CNTNAP2: variants seen among roughly 807,000 people sequenced by gnomAD.
CNTNAP2 encodes contactin-associated protein-like 2.
Under a neutral mutation model 155.2 loss-of-function variants are expected in CNTNAP2, and 98 were observed. That is an observed-to-expected ratio of 0.63 (90% CI 0.54 to 0.75). The LOEUF (loss-of-function observed/expected upper bound fraction) is 0.75. Ranked by LOEUF, CNTNAP2 falls within the 30% of genes least tolerant of loss-of-function variation. CNTNAP2 has a pLI of 0.00. For synonymous variants in CNTNAP2, 651 were observed against 631.2 expected, an observed-to-expected ratio of 1.03 and a Z score of -0.47; for missense variants, 1,727 against 1,688.1, an observed-to-expected ratio of 1.02 and a Z score of -0.40.
chr7:148,159,708 C>G (rs557397650), intron 17 of CNTNAP2, among the ~76,000 whole-genome samples: 3 of 152,248 alleles, frequency 2.0e-5, no homozygotes, highest in African/African-American at 7.2e-5. Flanking sequence ...ATGTGTGTAC[C>G]TAATTTCACT....
At chr7:147,942,311 G>A (rs1800739203) in intron 14 of CNTNAP2, among the ~76,000 whole-genome samples, 1 of 152,022 alleles carries the variant, frequency 6.6e-6, no homozygotes, top group Non-Finnish European at 1.5e-5. Flanking sequence ...TAGTGACATT[G>A]GTAACTTAAA....
rs181825593 is a variant in CNTNAP2 at position 147,306,215 on chromosome 7, T to G, written c.1498+5925T>G. Among the ~76,000 whole-genome samples the G allele has an allele frequency of 2.9e-4, 44 of 152,312 alleles. No individual in the cohort carries two copies. In the East Asian group the frequency reaches 7.7e-3, roughly 27 times the overall value. On this transcript the variant is annotated intron_variant, in intron 9 of 23. Coordinates refer to ENST00000361727, the MANE Select transcript of CNTNAP2 (RefSeq NM_014141.6). ...TTTACAACCCCCTCTAATGAAAAATTAGCAGACTTCCTAAAGGAGATTCAT... is the reference window on the plus strand; with the variant it reads ...TTTACAACCCCCTCTAATGAAAAATGAGCAGACTTCCTAAAGGAGATTCAT...
chr7:146,683,206 T>C (rs962285973), intron 1 of CNTNAP2, among the ~76,000 whole-genome samples: 1 of 152,130 alleles, frequency 6.6e-6, no homozygotes, highest in Non-Finnish European at 1.5e-5. Context: ...CTGATTTTTG[T>C]ATTTTTAATA....
At chr7:148,217,585 A>G (rs1176767847) in intron 19 of CNTNAP2, 61 bp downstream of exon 19, 1 of 1,531,310 alleles carries the variant, frequency 6.5e-7, no homozygotes, top group Non-Finnish European at 9.1e-7. Flanking sequence ...ATGTTCTAGC[A>G]AGAGTCTATA....
chr7:146,339,292 C>CA lies in CNTNAP2; in HGVS notation c.97+222320dup, dbSNP rs1299208482. ...GCATGCACACACAGACTTACATACA[C>CA]AGGGCTTGCAGAGGAATAAATTCTG... On this transcript the variant is annotated intron_variant, in intron 1 of 23. Transcript: ENST00000361727. Among the ~76,000 whole-genome samples the CA allele has an allele frequency of 2.0e-5, 3 of 152,104 alleles. No individual in the cohort carries two copies. The South Asian group carries it at 6.2e-4, about 32-fold the overall frequency.
intron 1 of CNTNAP2, among the ~76,000 whole-genome samples, chr7:146,365,952 A>G (rs1428167111): frequency 6.6e-6 from 1 of 152,196 alleles, no homozygotes; most frequent in Admixed American, 6.5e-5. Flanking sequence ...TATGGTCTAC[A>G]TCAATGCTAT....
At chr7:146,309,093 G>A (rs990943072) in intron 1 of CNTNAP2, among the ~76,000 whole-genome samples, 4 of 152,144 alleles carry the variant, frequency 2.6e-5, no homozygotes, top group Non-Finnish European at 5.9e-5. Flanking sequence ...GGGAGAACTA[G>A]ATATGAGAAG....
intron 1 of CNTNAP2, among the ~76,000 whole-genome samples, chr7:146,228,467 A>G (rs191353893): frequency 3.3e-5 from 5 of 152,208 alleles, no homozygotes; most frequent in African/African-American, 9.6e-5. Context: ...AGATGACAAC[A>G]GCTTAGAACA....
intron 8 of CNTNAP2, among the ~76,000 whole-genome samples, chr7:147,227,199 G>T (rs1372545547): frequency 6.6e-6 from 1 of 152,180 alleles, no homozygotes; most frequent in East Asian, 1.9e-4. Flanking sequence ...GCAAAGGCCA[G>T]GAGGCAGGAA....
At chr7:146,879,242 T>C (rs1795490138) in intron 3 of CNTNAP2, among the ~76,000 whole-genome samples, 2 of 152,186 alleles carry the variant, frequency 1.3e-5, no homozygotes, top group Non-Finnish European at 2.9e-5. Context: ...CAATAGATGT[T>C]GGCATAGATG....
intron 12 of CNTNAP2, among the ~76,000 whole-genome samples, chr7:147,566,018 C>A (rs1272565017): frequency 6.6e-6 from 1 of 151,230 alleles, no homozygotes; most frequent in Non-Finnish European, 1.5e-5. Flanking sequence ...CGATGACTCA[C>A]GCCTGTAATC....
At chr7:146,637,058 T>G (rs1299942871) in intron 1 of CNTNAP2, among the ~76,000 whole-genome samples, 1 of 152,182 alleles carries the variant, frequency 6.6e-6, no homozygotes, top group African/African-American at 2.4e-5. Context: ...GCAACAAATT[T>G]AATTAAATAA....
intron 13 of CNTNAP2, among the ~76,000 whole-genome samples, chr7:147,688,782 G>T (rs1796050202): frequency 6.6e-6 from 1 of 152,108 alleles, no homozygotes; most frequent in South Asian, 2.1e-4. Flanking sequence ...CACCTTACAA[G>T]AATTTTGTGA....
chr7:147,946,631 C>T lies in CNTNAP2; in HGVS notation c.2256-31231C>T, dbSNP rs996490953. ...CAGCTGCCCTCACATGAGCGATTTGCATTTTCTTGGCGAGAAATAGTCGCT... is the reference window on the plus strand; with the variant it reads ...CAGCTGCCCTCACATGAGCGATTTGTATTTTCTTGGCGAGAAATAGTCGCT... On this transcript the variant is annotated intron_variant, in intron 14 of 23. Coordinates refer to ENST00000361727, the MANE Select transcript of CNTNAP2 (RefSeq NM_014141.6). Among the ~76,000 whole-genome samples, 5 of 152,070 alleles carry T rather than the reference C, an allele frequency of 3.3e-5. No individual in the cohort carries two copies. The East Asian group carries it at 9.7e-4, about 30-fold the overall frequency.
intron 3 of CNTNAP2, among the ~76,000 whole-genome samples, chr7:147,025,960 A>G (rs558186889): frequency 1.3e-5 from 2 of 152,110 alleles, no homozygotes; most frequent in East Asian, 3.9e-4. Flanking sequence ...CCTGGGCTCA[A>G]GCAATTCTCA....
At chr7:148,098,326 C>T (rs990400086) in intron 15 of CNTNAP2, among the ~76,000 whole-genome samples, 3 of 151,702 alleles carry the variant, frequency 2.0e-5, no homozygotes, top group Admixed American at 1.3e-4. Flanking sequence ...CGCCTGTAGT[C>T]CCAGCTACTC....
chr7:146,627,071 TG>T (rs1445357600), intron 1 of CNTNAP2, among the ~76,000 whole-genome samples: 1 of 152,128 alleles, frequency 6.6e-6, no homozygotes, highest in African/African-American at 2.4e-5. Context: ...CTCACAATCA[TG>T]ACAGAAGGCC....
At chr7:147,683,180 C>T (rs1010890946) in intron 13 of CNTNAP2, among the ~76,000 whole-genome samples, 6 of 151,990 alleles carry the variant, frequency 3.9e-5, no homozygotes, top group Non-Finnish European at 7.4e-5. Context: ...TACCTTTATA[C>T]AGTTCACCTG....
intron 17 of CNTNAP2, among the ~76,000 whole-genome samples, chr7:148,158,999 C>T (rs573159259): frequency 1.3e-5 from 2 of 152,102 alleles, no homozygotes; most frequent in Non-Finnish European, 2.9e-5. Context: ...TAGTTCCTCC[C>T]ACAGTACACT....
Sources: allele counts gnomAD v4.1 joint callset (sites outside exome capture counted in the v4.1 genomes callset), GRCh38; gene constraint gnomAD v4.1.1; transcripts MANE v1.5; gene names NCBI Gene and HGNC (gene_info 2026-07-23, HGNC 2026-07-21).